Variants in HMCES observed in about 807,000 individuals in gnomAD.
The protein encoded by HMCES is abasic site processing protein HMCES.
HMCES carries 27 observed loss-of-function variants against 35.1 expected under a neutral mutation model. That is an observed-to-expected ratio of 0.77 (90% CI 0.57 to 1.06). HMCES has a LOEUF of 1.06. Ranked by LOEUF, HMCES falls within the 50% of genes least tolerant of loss-of-function variation. The probability of loss-of-function intolerance (pLI) is 0.00; values close to 1 mark genes in which losing one functional copy is unlikely to be tolerated. For missense variants in HMCES, 391 were observed against 430.4 expected (o/e 0.91, Z 0.81); for synonymous variants, 130 against 154.7 (o/e 0.84, Z 1.18).
Position 129,278,876 on chromosome 3 carries a change from G to C in HMCES, c.-53G>C, listed in dbSNP as rs1940362004. On this transcript the variant is annotated 5_prime_UTR_variant, in exon 1 of 7. Transcript: ENST00000383463. Reference sequence around the variant, plus strand: ...GAGCGGAGCGGGGGTGAGGAGAGTCGAGGGAGGTGACGCGCGCTGCCGGGG... The same window carrying C: ...GAGCGGAGCGGGGGTGAGGAGAGTCCAGGGAGGTGACGCGCGCTGCCGGGG... The C allele has an allele frequency of 6.6e-6, 1 of 152,050 alleles. No homozygotes were observed. The highest frequency in any genetic ancestry group is 1.5e-5 in the Non-Finnish European group (1 of 68,180). The allele number at this position is 152,050 out of a possible 1,614,324, so 9.4% of individuals were successfully genotyped here.
intron 4 of HMCES, among the ~76,000 whole-genome samples, chr3:129,291,156 C>T (rs2071010861): frequency 6.6e-6 from 1 of 152,068 alleles, no homozygotes; most frequent in Non-Finnish European, 1.5e-5. Context: ...GAGCTATGAT[C>T]ACACCACTGC....
At chr3:129,298,556 C>G in intron 5 of HMCES, 21 bp downstream of exon 5, 1 of 1,606,052 alleles carries the variant, frequency 6.2e-7, no homozygotes, top group Non-Finnish European at 8.5e-7. Flanking sequence ...CTTCTTAGCC[C>G]TGGATCCAAA....
At chr3:129,302,617 T>C (rs749675305) in intron 6 of HMCES, among the ~76,000 whole-genome samples, 4 of 152,116 alleles carry the variant, frequency 2.6e-5, no homozygotes, top group Non-Finnish European at 4.4e-5. Flanking sequence ...CTTGGGAGGC[T>C]GAGGCAGGAG....
Position 129,290,785 on chromosome 3 carries a change from C to T in HMCES, c.434C>T (p.Pro145Leu). Residue 145 changes from proline (P) to leucine (L), a missense_variant, in exon 4 of 7, where the codon CCT becomes CTT. Transcript: ENST00000383463. ...AGGCAGCCATACTTCATCTATTTTC[C>T]TCAAATCAAGACAGAGAAGGTATCA... ...NQRQPYFIYF[P>L]QIKTEKSGSI... 2 of 1,613,326 alleles carry T rather than the reference C, an allele frequency of 1.2e-6. No individual in the cohort carries two copies. The highest frequency in any genetic ancestry group is 1.7e-6 in the Non-Finnish European group (2 of 1,179,398).
chr3:129,304,853 G>A lies in HMCES; in HGVS notation c.*28G>A. The A allele has an allele frequency of 6.4e-7, 1 of 1,550,948 alleles. No homozygotes were observed. The highest frequency in any genetic ancestry group is 1.4e-5 in the African/African-American group (1 of 73,586). On this transcript the variant is annotated 3_prime_UTR_variant, in exon 7 of 7. Transcript: ENST00000383463. ...CAGGACTTTCAGAGACCAAGGCCAGGGTCTGCTGCACTGCTGTTCTGATAA... is the reference window on the plus strand; with the variant it reads ...CAGGACTTTCAGAGACCAAGGCCAGAGTCTGCTGCACTGCTGTTCTGATAA...
At position 129,289,535 on chromosome 3, in the gene HMCES, T is replaced by C. The variant is rs551083901; in HGVS notation, c.327+538T>C. ...CTTATGCTGTATTCTTTTATTGTTA[T>C]TGTTTAATTTTTTTTTTTAAATAGA... On this transcript the variant is annotated intron_variant, in intron 3 of 6. Transcript: ENST00000383463. Among the ~76,000 whole-genome samples the C allele has an allele frequency of 2.2e-4, 34 of 152,294 alleles. 1 individual carries two copies. The South Asian group carries it at 3.5e-3, about 16-fold the overall frequency.
chr3:129,291,068 G>C (rs1027450232), intron 4 of HMCES, among the ~76,000 whole-genome samples: 1 of 152,012 alleles, frequency 6.6e-6, no homozygotes, highest in Non-Finnish European at 1.5e-5. Context: ...TGGGCATGGT[G>C]GTGTGTGCCT....
chr3:129,290,991 C>G (rs1315920736), intron 4 of HMCES, among the ~76,000 whole-genome samples, 187 bp downstream of exon 4: 2 of 152,028 alleles, frequency 1.3e-5, no homozygotes, highest in African/African-American at 4.8e-5. Context: ...TTGCTTGAGC[C>G]TAGGAGTTTG....
chr3:129,287,903 CA>C (rs1228491671), intron 2 of HMCES, among the ~76,000 whole-genome samples: 36 of 152,052 alleles, frequency 2.4e-4, no homozygotes, highest in African/African-American at 8.2e-4. Flanking sequence ...AGTAAAAATA[CA>C]AAAATTAGCT....
intron 2 of HMCES, among the ~76,000 whole-genome samples, chr3:129,288,438 C>T (rs942390955): frequency 1.3e-5 from 2 of 152,028 alleles, no homozygotes; most frequent in Non-Finnish European, 2.9e-5. Context: ...CTCACACCCA[C>T]AATCCCAACA....
At chr3:129,283,277 G>A (rs7434264) in intron 2 of HMCES, among the ~76,000 whole-genome samples, 38,443 of 151,148 alleles carry the variant, frequency 0.25, 6,394 homozygotes, top group Non-Finnish European at 0.35. Context: ...TGACCATTGC[G>A]TAATGTTGTC....
At chr3:129,280,224 G>T (rs562649559) in intron 2 of HMCES, among the ~76,000 whole-genome samples, 1 of 152,030 alleles carries the variant, frequency 6.6e-6, no homozygotes, top group African/African-American at 2.4e-5. Context: ...TGATCATCAG[G>T]GTCATTGGAG....
Position 129,304,850 on chromosome 3 carries a change from C to T in HMCES, c.*25C>T, listed in dbSNP as rs1200210190. The T allele has an allele frequency of 1.3e-6, 2 of 1,562,910 alleles. No homozygotes were observed. Among genetic ancestry groups the T allele is most frequent in the East Asian group, 2.2e-5 (1 of 44,618 alleles). On this transcript the variant is annotated 3_prime_UTR_variant, in exon 7 of 7. Transcript: ENST00000383463. ...ACACAGGACTTTCAGAGACCAAGGCCAGGGTCTGCTGCACTGCTGTTCTGA... is the reference window on the plus strand; with the variant it reads ...ACACAGGACTTTCAGAGACCAAGGCTAGGGTCTGCTGCACTGCTGTTCTGA...
chr3:129,279,912 G>C lies in HMCES; in HGVS notation c.180G>C (p.Glu60Asp), dbSNP rs17850595. 12 of 1,589,084 alleles carry C rather than the reference G, an allele frequency of 7.6e-6. No individual in the cohort carries two copies. The highest frequency in any genetic ancestry group is 1.0e-5 in the Non-Finnish European group (12 of 1,169,894). ...SPVLLSRLHF[E>D]KDADSSERII... ...TGCTTCTGTCTCGACTGCACTTTGA[G>C]AAGGTAACCAGCATTGCACTATGCT... The change falls in exon 2 of 7, where the codon GAG becomes GAC. Residue 60 changes from glutamate to aspartate, a missense_variant. Physicochemically the swap from Glu to Asp is conservative, Grantham distance 45. Transcript: ENST00000383463. The surrounding 1 kb of genome is among the most constrained non-coding windows in gnomAD (Gnocchi z 4.2).
At chr3:129,298,068 C>T (rs1175944167) in intron 4 of HMCES, among the ~76,000 whole-genome samples, 2 of 152,096 alleles carry the variant, frequency 1.3e-5, no homozygotes, top group African/African-American at 2.4e-5. Context: ...GGTTTGGGTT[C>T]AAATTAACAA....
intron 2 of HMCES, among the ~76,000 whole-genome samples, chr3:129,282,925 G>A (rs1940537458): frequency 6.6e-6 from 1 of 152,166 alleles, no homozygotes; most frequent in African/African-American, 2.4e-5. Flanking sequence ...ATTTGGATTT[G>A]GTTTACAGTT....
rs1412191437 is a variant in HMCES, at chr3:129,305,262, A to AT, written c.*444dup. On this transcript the variant is annotated 3_prime_UTR_variant, in exon 7 of 7. Coordinates refer to ENST00000383463, the MANE Select transcript of HMCES (RefSeq NM_020187.3). ...AAATAAAAATAAGTTCTTAAAATTT[A>AT]TTTTTTTCCTGAATAAATTGTATTT... 1 of 155,028 alleles carries AT rather than the reference A, an allele frequency of 6.5e-6. No homozygotes were observed. The highest frequency in any genetic ancestry group is 1.4e-5 in the Non-Finnish European group (1 of 69,888). The allele number at this position is 155,028 out of a possible 1,614,324, so 9.6% of individuals were successfully genotyped here.
chr3:129,282,787 C>A (rs1188288686), intron 2 of HMCES, among the ~76,000 whole-genome samples: 1 of 152,170 alleles, frequency 6.6e-6, no homozygotes, highest in African/African-American at 2.4e-5. Context: ...CTTCCTGTTT[C>A]ATTTATCCAC....
intron 3 of HMCES, 27 bp downstream of exon 3, chr3:129,289,024 C>G (rs764599406): frequency 6.7e-7 from 1 of 1,499,140 alleles, no homozygotes; most frequent in South Asian, 1.3e-5. Context: ...TATTAGTGCC[C>G]CGTATACCTC....
Sources: allele counts gnomAD v4.1 joint callset (sites outside exome capture counted in the v4.1 genomes callset), GRCh38; gene constraint gnomAD v4.1.1; non-coding constraint Gnocchi (gnomAD v3.1); transcripts MANE v1.5; gene names NCBI Gene and HGNC (gene_info 2026-07-23, HGNC 2026-07-21).